Variants in TTN observed in about 807,000 individuals in gnomAD.
TTN encodes the protein connectin.
In TTN, 1,525 loss-of-function variants were observed where a neutral mutation model predicts 3,223.0. The ratio of observed to expected loss-of-function variants is 0.47; its 90% confidence interval spans 0.45 to 0.49. The LOEUF (loss-of-function observed/expected upper bound fraction) is 0.49. Ranked by LOEUF, TTN falls within the 20% of genes least tolerant of loss-of-function variation. The probability of loss-of-function intolerance (pLI) is 0.00; values close to 1 mark genes in which losing one functional copy is unlikely to be tolerated. For synonymous variants in TTN, 14,094 were observed against 15,161.0 expected (o/e 0.93, Z 5.17); for missense variants, 40,786 against 43,424.0 (o/e 0.94, Z 5.40).
At position 178,635,360 on chromosome 2, in the gene TTN, GC is replaced by G; in HGVS notation, c.41885-57del. The G allele has an allele frequency of 1.9e-6, 3 of 1,607,324 alleles. No homozygotes were observed. The South Asian group carries it at 3.4e-5, about 18-fold the overall frequency. On this transcript the variant is annotated intron_variant, in intron 227 of 362. Transcript: ENST00000589042. ...GCTTTAGACAACCCAACGATGCTTT[GC>G]TTTTATGTGTTTTGGTGTGTTATTT...
rs376007682 is a variant in TTN at position 178,549,560 on chromosome 2, G to A, written c.92152+10C>T. On this transcript the variant is annotated intron_variant, in intron 338 of 362. Coordinates refer to ENST00000589042, the MANE Select transcript of TTN (RefSeq NM_001267550.2). ...TGACATAGTACCGCTTAGTAAAAAC[G>A]CAAACTTACTATATTGTATTTGAGC... 29 of 1,605,944 alleles carry A rather than the reference G, an allele frequency of 1.8e-5. No individual in the cohort carries two copies. Among genetic ancestry groups the A allele is most frequent in the Non-Finnish European group, 2.4e-5 (28 of 1,174,136 alleles).
chr2:178,575,121 C>G lies in TTN; in HGVS notation c.71011G>C (p.Asp23671His). The change falls in exon 326 of 363, where the codon GAC becomes CAC. Residue 23671 changes from aspartate to histidine, a missense_variant. Asp to His is a moderately conservative substitution (Grantham distance 81). Transcript: ENST00000589042. This position sits in a 1 kb window ranked among gnomAD's most constrained non-coding sequence, Gnocchi z 4.0. ...PKPTVTWKKG[D>H]QILKQTQRVN... The stretch of plus-strand genomic sequence containing the variant: ...CTCTGTGTCTGTTTAAGAATTTGGT[C>G]TCCTTTTTTCCATGTCACTGTGGGC... The G allele has an allele frequency of 6.2e-7, 1 of 1,612,886 alleles. No homozygotes were observed. The highest frequency in any genetic ancestry group is 1.3e-5 in the African/African-American group (1 of 74,968).
intron 273 of TTN, 82 bp from the exon 274 acceptor site, chr2:178,608,990 C>CT: frequency 6.6e-7 from 1 of 1,506,804 alleles, no homozygotes; most frequent in Non-Finnish European, 8.9e-7. Context: ...GCATGCTCCT[C>CT]TGACATGATT....
intron 6 of TTN, among the ~76,000 whole-genome samples, chr2:178,797,754 G>A (rs2093847294): frequency 1.3e-5 from 2 of 152,098 alleles, no homozygotes; most frequent in African/African-American, 4.8e-5. Flanking sequence ...CACAAGTGCT[G>A]TTTGGTTTAG....
Position 178,711,950 on chromosome 2 carries a change from C to A in TTN, c.27880G>T (p.Val9294Phe). The A allele has an allele frequency of 1.9e-6, 3 of 1,593,158 alleles. No individual in the cohort carries two copies. Among genetic ancestry groups the A allele is most frequent in the Non-Finnish European group, 2.6e-6 (3 of 1,168,746 alleles). ...GEVSASTFLTVQEQKLPPSFS... is the reference protein window; with the variant it reads ...GEVSASTFLTFQEQKLPPSFS... The stretch of plus-strand genomic sequence containing the variant: ...TTAAAAATATTGCAATCACCTTGAA[C>A]GGTAAGGAAAGTTGATGCAGAAACT... The change falls in exon 96 of 363, where the codon GTT (valine) becomes TTT (phenylalanine). Residue 9294 changes from valine (V) to phenylalanine (F), a missense_variant. By Grantham distance (50) the Val-to-Phe change is conservative. Coordinates refer to ENST00000589042, the MANE Select transcript of TTN (RefSeq NM_001267550.2).
intron 134 of TTN, 136 bp downstream of exon 134, chr2:178,683,075 A>G: frequency 1.1e-6 from 1 of 940,432 alleles, no homozygotes; most frequent in Non-Finnish European, 1.7e-6. Context: ...ATATTTAGCA[A>G]TTGTGATTTC....
chr2:178,714,922 G>C (rs2077240681), intron 90 of TTN, 64 bp downstream of exon 90: 4 of 1,540,404 alleles, frequency 2.6e-6, no homozygotes, highest in Admixed American at 1.9e-5. Flanking sequence ...TGGGGTGGAG[G>C]GGGCAACAGA....
intron 47 of TTN, chr2:178,750,263 A>G (rs2085050988): frequency 6.2e-7 from 1 of 1,613,140 alleles, no homozygotes. Flanking sequence ...GAACACTGGG[A>G]CTTTATGTGC....
chr2:178,546,768 C>T lies in TTN; in HGVS notation c.94660G>A (p.Gly31554Ser). Reference sequence around the variant, plus strand: ...GTGTAGTTGCACTTCAGCCAGCGACCATCTCCTACCTCACTGACTGGCTTA... The same window carrying T: ...GTGTAGTTGCACTTCAGCCAGCGACTATCTCCTACCTCACTGACTGGCTTA... ...ERKPVSEVGDGRWLKCNYTIV... is the reference protein window; with the variant it reads ...ERKPVSEVGDSRWLKCNYTIV... Residue 31554 changes from glycine to serine, a missense_variant, in exon 341 of 363, where the codon GGT (glycine) becomes AGT (serine). By Grantham distance (56) the Gly-to-Ser change is moderately conservative. Coordinates refer to ENST00000589042, the MANE Select transcript of TTN (RefSeq NM_001267550.2). 7 of 1,613,762 alleles carry T rather than the reference C, an allele frequency of 4.3e-6. No individual in the cohort carries two copies. The highest frequency in any genetic ancestry group is 5.9e-6 in the Non-Finnish European group (7 of 1,179,758).
rs761564929 is a variant in TTN, at chr2:178,566,985, G to C, written c.79147C>G (p.Pro26383Ala). 2 of 1,613,596 alleles carry C rather than the reference G, an allele frequency of 1.2e-6. No homozygotes were observed. Among genetic ancestry groups the C allele is most frequent in the South Asian group, 2.2e-5 (2 of 91,072 alleles). ...TTTGGTGGTCCAGGAAGCACAAATG[G>C]ATTTTTCATTAGTACTGGTGCAGAT... Reference protein sequence around the residue: ...LESAPVLMKNPFVLPGPPKSL... With the variant: ...LESAPVLMKNAFVLPGPPKSL... The change falls in exon 326 of 363, where the codon CCA becomes GCA. Residue 26383 changes from proline (P) to alanine (A), a missense_variant. Physicochemically the swap from Pro to Ala is conservative, Grantham distance 27. Coordinates refer to ENST00000589042, the MANE Select transcript of TTN (RefSeq NM_001267550.2).
At position 178,553,093 on chromosome 2, in the gene TTN, G is replaced by T; in HGVS notation, c.89807C>A (p.Ala29936Asp). The T allele has an allele frequency of 6.2e-7, 1 of 1,611,108 alleles. No individual in the cohort carries two copies. The highest frequency in any genetic ancestry group is 2.2e-5 in the East Asian group (1 of 44,788). ...VSVKVLDTPA[A>D]CQKLQVKHVS... Reference sequence around the variant, plus strand: ...ATGTTTAACCTGTAGTTTCTGGCAGGCAGCTGGTGTGTCAAGCACTTTAAC... The same window carrying T: ...ATGTTTAACCTGTAGTTTCTGGCAGTCAGCTGGTGTGTCAAGCACTTTAAC... Residue 29936 changes from alanine to aspartate, a missense_variant, in exon 335 of 363, where the codon GCC becomes GAC. Ala to Asp is a moderately radical substitution (Grantham distance 126). Coordinates refer to ENST00000589042, the MANE Select transcript of TTN (RefSeq NM_001267550.2).
At position 178,790,078 on chromosome 2, in the gene TTN, A is replaced by T. The variant is rs868854127; in HGVS notation, c.1838T>A (p.Val613Asp). ...KETRKTVVPK[V>D]IVATPKVKEQ... The stretch of plus-strand genomic sequence containing the variant: ...TTTGACTTTGGGTGTGGCAACTATG[A>T]CTTTAGGTACAACTGTTTTCCTAGT... The change falls in exon 12 of 363, where the codon GTC becomes GAC. Residue 613 changes from valine (V) to aspartate (D), a missense_variant. Val to Asp is a radical substitution (Grantham distance 152). Transcript: ENST00000589042. 1 of 1,613,112 alleles carries T rather than the reference A, an allele frequency of 6.2e-7. No individual in the cohort carries two copies. Among genetic ancestry groups the T allele is most frequent in the Non-Finnish European group, 8.5e-7 (1 of 1,179,426 alleles).
In TTN at chr2:178,776,166, C is replaced by T. The variant is rs750823043; in HGVS notation, c.5698G>A (p.Val1900Met). 2.5e-5 allele frequency: 40 copies of T among 1,614,004 alleles called. No homozygotes were observed. The highest frequency in any genetic ancestry group is 1.6e-4 in the Middle Eastern group (1 of 6,084). ...CCTGTGTCATATGATTTGCAGTCCACGATGTCCAGGTAATGGATACCATCA... is the reference window on the plus strand; with the variant it reads ...CCTGTGTCATATGATTTGCAGTCCATGATGTCCAGGTAATGGATACCATCA... The part of the protein sequence containing the change: ...RYDGIHYLDI[V>M]DCKSYDTGEV... The change falls in exon 28 of 363, where the codon GTG (valine) becomes ATG (methionine). Residue 1900 changes from valine to methionine, a missense_variant. Physicochemically the swap from Val to Met is conservative, Grantham distance 21. Transcript: ENST00000589042.
chr2:178,746,783 A>G lies in TTN; in HGVS notation c.11312-4862T>C, dbSNP rs765093886. On this transcript the variant is annotated intron_variant, in intron 47 of 362. Transcript: ENST00000589042. ...CACACCAGGAACTGGAAGACCTTCA[A>G]CTTCAACAATGAAGCCTAGTGTTGT... 4 of 1,613,430 alleles carry G rather than the reference A, an allele frequency of 2.5e-6. No individual in the cohort carries two copies. In the South Asian group the frequency reaches 3.3e-5, roughly 13 times the overall value.
intron 10 of TTN, among the ~76,000 whole-genome samples, chr2:178,791,648 C>T (rs2093501911): frequency 7.2e-6 from 1 of 139,582 alleles, no homozygotes. Context: ...GTGTTTATGG[C>T]TGATGTATGT....
intron 71 of TTN, chr2:178,725,015 G>A: frequency 4.3e-6 from 1 of 231,728 alleles, no homozygotes; most frequent in Non-Finnish European, 8.2e-6. Flanking sequence ...TTATGTGGAA[G>A]CTTTGCTATC....
chr2:178,806,514 T>A (rs1230684336), intron 1 of TTN, among the ~76,000 whole-genome samples: 1 of 152,220 alleles, frequency 6.6e-6, no homozygotes, highest in Non-Finnish European at 1.5e-5. Flanking sequence ...ATGAAGAGAT[T>A]CTGAATATTT....
rs2154349693 is a variant in TTN at position 178,782,305 on chromosome 2, C to A, written c.3287G>T (p.Gly1096Val). ...TTGGCATCCAAACACCACGCTCCCA[C>A]CTTCCACCAGTTTCTGGACCACTGG... ...TKPVVQKLVE[G>V]GSVVFGCQVG... Residue 1096 changes from glycine (G) to valine (V), a missense_variant, in exon 20 of 363, where the codon GGT becomes GTT. Coordinates refer to ENST00000589042, the MANE Select transcript of TTN (RefSeq NM_001267550.2). 1.2e-6 allele frequency: 2 copies of A among 1,614,164 alleles called. No individual in the cohort carries two copies. Among genetic ancestry groups the A allele is most frequent in the Non-Finnish European group, 1.7e-6 (2 of 1,180,020 alleles).
At chr2:178,691,045 G>A (rs914224197) in intron 121 of TTN, among the ~76,000 whole-genome samples, 2 of 152,092 alleles carry the variant, frequency 1.3e-5, no homozygotes, top group African/African-American at 4.8e-5. Context: ...ATTAGTATTG[G>A]TTTTACTAAC....
Sources: allele counts gnomAD v4.1 joint callset (sites outside exome capture counted in the v4.1 genomes callset), GRCh38; gene constraint gnomAD v4.1.1; non-coding constraint Gnocchi (gnomAD v3.1); transcripts MANE v1.5; gene names NCBI Gene and HGNC (gene_info 2026-07-23, HGNC 2026-07-21).